FER: variants seen among roughly 807,000 people sequenced by gnomAD.
FER encodes tyrosine-protein kinase Fer.
Under a neutral mutation model 111.0 loss-of-function variants are expected in FER, and 63 were observed. That is an observed-to-expected ratio of 0.57 (90% CI 0.46 to 0.70). The LOEUF (loss-of-function observed/expected upper bound fraction) is 0.70, where lower values mean the gene tolerates loss of function less well. Ranked by LOEUF, FER falls within the 30% of genes least tolerant of loss-of-function variation. FER has a pLI of 0.00. For missense variants in FER, 914 were observed against 954.0 expected (o/e 0.96, Z 0.55); for synonymous variants, 327 against 313.9 (o/e 1.04, Z -0.44).
chr5:109,000,766 TAAA>T (rs564462750), intron 13 of FER, among the ~76,000 whole-genome samples: 41 of 149,358 alleles, frequency 2.7e-4, no homozygotes, highest in Non-Finnish European at 4.6e-4. Flanking sequence ...GCAAGACTAA[TAAA>T]GAAGAAAAGA....
chr5:108,893,315 G>A (rs1581086439), intron 9 of FER, among the ~76,000 whole-genome samples: 1 of 151,094 alleles, frequency 6.6e-6, no homozygotes. Flanking sequence ...TTTTCTAAAA[G>A]TTTAATAGTT....
intron 13 of FER, among the ~76,000 whole-genome samples, chr5:109,011,992 C>G (rs1766335618): frequency 6.6e-6 from 1 of 152,176 alleles, no homozygotes; most frequent in Admixed American, 6.5e-5. Flanking sequence ...CTTGTGCTTC[C>G]CTTTTCTCCC....
At chr5:108,828,367 CTT>C (rs1169033479) in intron 3 of FER, among the ~76,000 whole-genome samples, 1 of 152,142 alleles carries the variant, frequency 6.6e-6, no homozygotes, top group Non-Finnish European at 1.5e-5. Flanking sequence ...GATACACAAA[CTT>C]AAGAACTAAA....
intron 5 of FER, chr5:108,842,469 AG>A (rs1362440517): frequency 6.6e-6 from 1 of 152,126 alleles, no homozygotes; most frequent in Non-Finnish European, 1.5e-5. Flanking sequence ...ACAGAGTGGG[AG>A]GAAATCTTCA....
intron 17 of FER, among the ~76,000 whole-genome samples, chr5:109,130,249 A>G (rs1235671441): frequency 6.6e-6 from 1 of 152,094 alleles, no homozygotes; most frequent in East Asian, 1.9e-4. Context: ...AATATGTGAC[A>G]TATAATAATT....
chr5:109,085,101 T>G (rs1044792204), intron 16 of FER, among the ~76,000 whole-genome samples: 12 of 151,828 alleles, frequency 7.9e-5, no homozygotes, highest in Non-Finnish European at 1.8e-4. Flanking sequence ...GCTTGTCAAA[T>G]TCAACAAAAA....
intron 17 of FER, among the ~76,000 whole-genome samples, chr5:109,132,832 G>T (rs1315830061): frequency 6.6e-6 from 1 of 152,114 alleles, no homozygotes; most frequent in Non-Finnish European, 1.5e-5. Context: ...CCAACTGATG[G>T]GAATTGAGGA....
intron 3 of FER, among the ~76,000 whole-genome samples, chr5:108,811,560 A>C (rs1387300197): frequency 2.0e-5 from 3 of 152,094 alleles, no homozygotes; most frequent in Non-Finnish European, 2.9e-5. Flanking sequence ...TAAAGTGAAG[A>C]TGGTTGATAG....
chr5:109,171,263 C>T (rs1757067820), intron 17 of FER, among the ~76,000 whole-genome samples: 1 of 152,144 alleles, frequency 6.6e-6, no homozygotes, highest in Non-Finnish European at 1.5e-5. Flanking sequence ...AAATCAAGAA[C>T]TGGTGCTCTC....
At chr5:108,865,097 A>C (rs1050541212) in intron 5 of FER, among the ~76,000 whole-genome samples, 1 of 152,078 alleles carries the variant, frequency 6.6e-6, no homozygotes, top group Non-Finnish European at 1.5e-5. Context: ...TGGATTCCTA[A>C]GTATTTTATT....
intron 17 of FER, among the ~76,000 whole-genome samples, chr5:109,122,986 A>G (rs745370014): frequency 1.2e-4 from 18 of 151,996 alleles, no homozygotes; most frequent in South Asian, 2.1e-4. Flanking sequence ...CTTGTAGGCA[A>G]TAGATCATTG....
chr5:109,041,457 C>CA (rs34499703), intron 14 of FER, among the ~76,000 whole-genome samples: 410 of 139,386 alleles, frequency 2.9e-3, no homozygotes, highest in South Asian at 0.018. Context: ...GATAAGTATT[C>CA]AAAAAAAAAA....
At chr5:108,913,323 C>T (rs1480447096) in intron 10 of FER, among the ~76,000 whole-genome samples, 1 of 152,130 alleles carries the variant, frequency 6.6e-6, no homozygotes, top group Non-Finnish European at 1.5e-5. Context: ...GTGACTCACT[C>T]TACATATTCC....
chr5:108,797,839 A>G (rs1756207492), intron 2 of FER, among the ~76,000 whole-genome samples: 1 of 152,314 alleles, frequency 6.6e-6, no homozygotes, highest in Non-Finnish European at 1.5e-5. Context: ...GATTTTCTTC[A>G]TACAAGATGA....
chr5:109,059,505 C>A (rs549950157), intron 16 of FER, among the ~76,000 whole-genome samples: 2 of 152,040 alleles, frequency 1.3e-5, no homozygotes, highest in South Asian at 2.1e-4. Flanking sequence ...TCCAGCCTGG[C>A]GACAGAGTGA....
Position 109,123,033 on chromosome 5 carries a change from C to T in FER, c.2048+22514C>T, listed in dbSNP as rs191895214. On this transcript the variant is annotated intron_variant, in intron 17 of 19. Transcript: ENST00000281092. ...TATTAATCCATTCAGCCACTCTATA[C>T]GTTTTGATTGGAGAGTTTAGTCCAT... Among the ~76,000 whole-genome samples the T allele has an allele frequency of 5.3e-5, 8 of 151,916 alleles. No individual in the cohort carries two copies. In the East Asian group the frequency reaches 9.7e-4, roughly 18 times the overall value.
At chr5:108,985,503 A>G (rs1349410464) in intron 13 of FER, among the ~76,000 whole-genome samples, 1 of 151,042 alleles carries the variant, frequency 6.6e-6, no homozygotes, top group Non-Finnish European at 1.5e-5. Context: ...TTCTTTATGG[A>G]GGTTGTGATT....
intron 17 of FER, among the ~76,000 whole-genome samples, chr5:109,129,772 T>C (rs920372956): frequency 2.0e-5 from 3 of 152,054 alleles, no homozygotes; most frequent in Admixed American, 6.6e-5. Context: ...TCTTTAAAAA[T>C]GCATACCCTT....
intron 14 of FER, among the ~76,000 whole-genome samples, chr5:109,039,650 A>G (rs958019270): frequency 6.6e-6 from 1 of 152,112 alleles, no homozygotes; most frequent in African/African-American, 2.4e-5. Flanking sequence ...AGAGGGGTCT[A>G]TGCAGAGTAA....
Sources: allele counts gnomAD v4.1 joint callset (sites outside exome capture counted in the v4.1 genomes callset), GRCh38; gene constraint gnomAD v4.1.1; transcripts MANE v1.5; gene names NCBI Gene and HGNC (gene_info 2026-07-23, HGNC 2026-07-21).